KIRREL3: variants seen among roughly 807,000 people sequenced by gnomAD.
KIRREL3 encodes kin of IRRE-like protein 3.
In KIRREL3, 36 loss-of-function variants were observed where a neutral mutation model predicts 89.7. That is an observed-to-expected ratio of 0.40 (90% CI 0.31 to 0.53). The LOEUF (loss-of-function observed/expected upper bound fraction) is 0.53. Ranked by LOEUF, KIRREL3 falls within the 20% of genes least tolerant of loss-of-function variation. KIRREL3 has a pLI of 0.49. For missense variants in KIRREL3, 864 were observed against 1,056.6 expected, an observed-to-expected ratio of 0.82 and a Z score of 2.53; for synonymous variants, 445 against 441.4, an observed-to-expected ratio of 1.01 and a Z score of -0.10.
rs2053761399 is a variant in KIRREL3 at position 126,837,819 on chromosome 11, T to C, written c.55+162636A>G. On this transcript the variant is annotated intron_variant, in intron 1 of 16. Coordinates refer to ENST00000525144, the MANE Select transcript of KIRREL3 (RefSeq NM_032531.4). The surrounding 1 kb of genome is among the most constrained non-coding windows in gnomAD (Gnocchi z 4.7). ...TTTCACATGGGACAGCAACTTGCTA[T>C]CCATTTCTAGCAGCTCGCAGTCTAT... Among the ~76,000 whole-genome samples the C allele has an allele frequency of 6.6e-6, 1 of 152,234 alleles. No individual in the cohort carries two copies. Among genetic ancestry groups the C allele is most frequent in the Non-Finnish European group, 1.5e-5 (1 of 68,042 alleles).
chr11:126,850,230 A>C (rs991483298), intron 1 of KIRREL3, among the ~76,000 whole-genome samples: 4 of 152,208 alleles, frequency 2.6e-5, no homozygotes, highest in African/African-American at 9.6e-5. Flanking sequence ...TCTTTTGAGC[A>C]CCATGACCAC....
At chr11:126,806,878 T>C (rs1290853003) in intron 1 of KIRREL3, among the ~76,000 whole-genome samples, 1 of 151,990 alleles carries the variant, frequency 6.6e-6, no homozygotes, top group Non-Finnish European at 1.5e-5. Context: ...TTTACCTCTC[T>C]GTGTCCATGT....
intron 1 of KIRREL3, among the ~76,000 whole-genome samples, chr11:126,819,506 G>T (rs978280894): frequency 6.6e-6 from 1 of 152,260 alleles, no homozygotes; most frequent in Admixed American, 6.5e-5. Flanking sequence ...CGGCAGGAGT[G>T]ATAGATGGTT....
rs1950360807 is a variant in KIRREL3 at position 126,782,586 on chromosome 11, C to A, written c.55+217869G>T. On this transcript the variant is annotated intron_variant, in intron 1 of 16. Transcript: ENST00000525144. This position sits in a 1 kb window ranked among gnomAD's most constrained non-coding sequence, Gnocchi z 4.1. ...TATATGCTGTACATGTGCACTGAAA[C>A]TGAACAGTTAAGTAAATGGATGGCA... Among the ~76,000 whole-genome samples, 1 of 152,142 alleles carries A rather than the reference C, an allele frequency of 6.6e-6. No homozygotes were observed.
intron 1 of KIRREL3, among the ~76,000 whole-genome samples, chr11:126,926,881 T>C (rs1405571242): frequency 6.6e-6 from 1 of 151,934 alleles, no homozygotes; most frequent in African/African-American, 2.4e-5. Flanking sequence ...TGAGAGAGGG[T>C]ATAGGAAAAG....
intron 1 of KIRREL3, among the ~76,000 whole-genome samples, chr11:126,730,792 G>A (rs1344308210): frequency 1.1e-4 from 17 of 152,018 alleles, no homozygotes; most frequent in Admixed American, 1.0e-3. Flanking sequence ...AGGCTGGAGT[G>A]CAGTGGTGCC....
intron 7 of KIRREL3, among the ~76,000 whole-genome samples, chr11:126,452,246 A>C (rs1346229714): frequency 1.3e-5 from 2 of 152,208 alleles, no homozygotes; most frequent in Non-Finnish European, 1.5e-5. Context: ...CTTCCCAACA[A>C]ACCATTATGA....
chr11:126,632,356 C>A (rs1223056881), intron 1 of KIRREL3, among the ~76,000 whole-genome samples: 1 of 152,052 alleles, frequency 6.6e-6, no homozygotes, highest in Non-Finnish European at 1.5e-5. Context: ...GTGGTGTGAC[C>A]CAGAGAATGG....
At chr11:126,560,845 C>A (rs959001909) in intron 2 of KIRREL3, among the ~76,000 whole-genome samples, 4 of 152,064 alleles carry the variant, frequency 2.6e-5, no homozygotes, top group African/African-American at 9.7e-5. Context: ...AATTGTTTTT[C>A]CCTATTTTAC....
At chr11:127,001,137 G>T (rs907497613), upstream of KIRREL3, 2 of 152,906 alleles carry the variant, frequency 1.3e-5, no homozygotes, top group Non-Finnish European at 2.9e-5. Flanking sequence ...AAACATGCAC[G>T]CCCTGCCTTT....
intron 11 of KIRREL3, 78 bp from the exon 12 acceptor site, chr11:126,437,087 C>T (rs1380578794): frequency 3.0e-6 from 4 of 1,317,004 alleles, no homozygotes; most frequent in Non-Finnish European, 4.1e-6. Flanking sequence ...CACAGTGCCA[C>T]TGTCCTGCTC....
chr11:126,866,751 C>T (rs543477069), intron 1 of KIRREL3, among the ~76,000 whole-genome samples: 30 of 152,226 alleles, frequency 2.0e-4, no homozygotes, highest in Admixed American at 3.3e-4. Flanking sequence ...AGGCCATCAA[C>T]GGCAGGACGA....
At chr11:126,810,981 G>A (rs544247629) in intron 1 of KIRREL3, among the ~76,000 whole-genome samples, 62 of 152,248 alleles carry the variant, frequency 4.1e-4, no homozygotes, top group Non-Finnish European at 7.2e-4. Context: ...GAGGTGGTAC[G>A]TTAATGAGCC....
chr11:126,451,298 GTGCAT>G (rs1264526340), intron 7 of KIRREL3, among the ~76,000 whole-genome samples: 15 of 149,322 alleles, frequency 1.0e-4, no homozygotes, highest in African/African-American at 2.5e-4. Context: ...GTGTGCATGT[GTGCAT>G]GTGTGTGCAT....
At chr11:126,503,657 G>T (rs897155095) in intron 4 of KIRREL3, among the ~76,000 whole-genome samples, 1 of 152,144 alleles carries the variant, frequency 6.6e-6, no homozygotes, top group African/African-American at 2.4e-5. Flanking sequence ...AACCTCCATT[G>T]TGATGATGTG....
At position 126,612,345 on chromosome 11, in the gene KIRREL3, C is replaced by A. The variant is rs1297027481; in HGVS notation, c.56-49433G>T. ...GGACACCCCTGGCATAGAATAAATGCTCCCTCAGTATTTGAATAAATAAAT... is the reference window on the plus strand; with the variant it reads ...GGACACCCCTGGCATAGAATAAATGATCCCTCAGTATTTGAATAAATAAAT... On this transcript the variant is annotated intron_variant, in intron 1 of 16. Coordinates refer to ENST00000525144, the MANE Select transcript of KIRREL3 (RefSeq NM_032531.4). The surrounding 1 kb of genome is among the most constrained non-coding windows in gnomAD (Gnocchi z 4.5). Among the ~76,000 whole-genome samples the A allele has an allele frequency of 6.6e-6, 1 of 152,140 alleles. No individual in the cohort carries two copies. Among genetic ancestry groups the A allele is most frequent in the African/African-American group, 2.4e-5 (1 of 41,424 alleles).
rs996377681 is a variant in KIRREL3 at position 126,769,062 on chromosome 11, C to T, written c.56-206150G>A. 4.0e-4 allele frequency among the ~76,000 whole-genome samples: 61 copies of T among 152,138 alleles called. No individual in the cohort carries two copies. The highest frequency in any genetic ancestry group is 1.3e-3 in the African/African-American group (54 of 41,420). Reference sequence around the variant, plus strand: ...AGGCTGTCCCCTGGGGTCTCCTTTCCGCATCTTGTTTACCTGTCAGACTCC... The same window carrying T: ...AGGCTGTCCCCTGGGGTCTCCTTTCTGCATCTTGTTTACCTGTCAGACTCC... On this transcript the variant is annotated intron_variant, in intron 1 of 16. Transcript: ENST00000525144. The surrounding 1 kb of genome is among the most constrained non-coding windows in gnomAD (Gnocchi z 4.3).
At chr11:126,589,019 C>G (rs1942008584) in intron 1 of KIRREL3, among the ~76,000 whole-genome samples, 1 of 152,168 alleles carries the variant, frequency 6.6e-6, no homozygotes, top group South Asian at 2.1e-4. Context: ...TGCAAGCCCC[C>G]AGGATTTTCC....
chr11:126,702,945 G>A (rs1299125787), intron 1 of KIRREL3, among the ~76,000 whole-genome samples: 1 of 152,266 alleles, frequency 6.6e-6, no homozygotes, highest in Non-Finnish European at 1.5e-5. Context: ...AGGTCAGCCA[G>A]CTACATGCTT....
Sources: allele counts gnomAD v4.1 joint callset (sites outside exome capture counted in the v4.1 genomes callset), GRCh38; gene constraint gnomAD v4.1.1; non-coding constraint Gnocchi (gnomAD v3.1); transcripts MANE v1.5; gene names NCBI Gene and HGNC (gene_info 2026-07-23, HGNC 2026-07-21).